The following ACER1 variants were observed in gnomAD, a reference collection of about 807,000 sequenced individuals.
ACER1 encodes CTB-180A7.3.
ACER1 carries 28 observed loss-of-function variants against 24.9 expected under a neutral mutation model. That is an observed-to-expected ratio of 1.13 (90% confidence interval 0.83 to 1.54). The LOEUF is 1.54. Among genes scored for constraint, ACER1 ranks in the 40% most tolerant of loss-of-function variants. The probability of loss-of-function intolerance (pLI) is 0.00; values close to 1 mark genes in which losing one functional copy is unlikely to be tolerated. For synonymous variants in ACER1, 132 were observed against 131.4 expected, an observed-to-expected ratio of 1.00 and a Z score of -0.03; for missense variants, 352 against 349.3, an observed-to-expected ratio of 1.01 and a Z score of -0.06.
At chr19:6,331,794 AAAACAAACAAAC>A (rs142722083) in intron 1 of ACER1, among the ~76,000 whole-genome samples, 2 of 151,452 alleles carry the variant, frequency 1.3e-5, no homozygotes, top group African/African-American at 4.9e-5. Context: ...ACTCCGTTTC[AAAACAAACAAAC>A]AAACAAACAA....
intron 4 of ACER1, among the ~76,000 whole-genome samples, chr19:6,307,889 C>G (rs2091559711): frequency 6.6e-6 from 1 of 151,642 alleles, no homozygotes; most frequent in Non-Finnish European, 1.5e-5. Context: ...AAGTTTGAGA[C>G]CAGCTTGGCC....
chr19:6,341,153 T>C, the ACER1 span, among the ~76,000 whole-genome samples: 1 of 150,018 alleles, frequency 6.7e-6, no homozygotes, highest in Non-Finnish European at 1.5e-5. Flanking sequence ...CAGGCTGGAG[T>C]GCACTGGCGC....
intron 3 of ACER1, 74 bp from the exon 4 acceptor site, chr19:6,309,908 C>CG: frequency 6.3e-7 from 1 of 1,579,550 alleles, no homozygotes; most frequent in South Asian, 1.1e-5. Context: ...TTGGAGATCC[C>CG]GTGGCCCAGG....
chr19:6,340,151 C>T, the ACER1 span, among the ~76,000 whole-genome samples: 1 of 151,262 alleles, frequency 6.6e-6, no homozygotes, highest in Admixed American at 6.6e-5. Context: ...CGTGGTGGTG[C>T]GTGCCTGTAA....
At chr19:6,330,875 G>A (rs114810747) in intron 1 of ACER1, among the ~76,000 whole-genome samples, 2,818 of 149,578 alleles carry the variant, frequency 0.019, 359 homozygotes, top group African/African-American at 0.067. Flanking sequence ...CCAGGTATGG[G>A]AAGCCCCGGG....
At position 6,320,001 on chromosome 19, in the gene ACER1, T is replaced by A. The variant is rs146100904; in HGVS notation, c.94-7502A>T. Among the ~76,000 whole-genome samples the A allele has an allele frequency of 1.1e-4, 16 of 150,074 alleles. No individual in the cohort carries two copies. The East Asian group carries it at 3.2e-3, about 30-fold the overall frequency. ...GGTGGATGCCTGTAGTGCCAGCTAC[T>A]CAGGAGGCTGAAACAGGAGAATCGC... On this transcript the variant is annotated intron_variant, in intron 1 of 5. Transcript: ENST00000301452.
At chr19:6,322,806 A>C (rs1252382897) in intron 1 of ACER1, among the ~76,000 whole-genome samples, 2 of 152,066 alleles carry the variant, frequency 1.3e-5, no homozygotes, top group Non-Finnish European at 2.9e-5. Flanking sequence ...ATGAGATCTC[A>C]TGGTTTTAAA....
the ACER1 span, among the ~76,000 whole-genome samples, chr19:6,356,031 G>T: frequency 6.6e-6 from 1 of 151,516 alleles, no homozygotes; most frequent in Non-Finnish European, 1.5e-5. Context: ...GAATAGAAAG[G>T]GGGGAAAGGC....
Position 6,333,608 on chromosome 19 carries a change from G to A in ACER1, c.-57C>T. The A allele has an allele frequency of 6.8e-7, 1 of 1,472,068 alleles. No individual in the cohort carries two copies. Among genetic ancestry groups the A allele is most frequent in the Non-Finnish European group, 9.2e-7 (1 of 1,084,528 alleles). 91.2% of individuals were successfully genotyped at this position (1,472,068 alleles called of 1,614,324 possible). ...GCCCGGCAGAGAGAAGGCGAGCTTG[G>A]GAAGGCTGGGCCCTGATGAGGCGGG... On this transcript the variant is annotated 5_prime_UTR_variant, in exon 1 of 6. Transcript: ENST00000301452.
At position 6,316,340 on chromosome 19, in the gene ACER1, G is replaced by A. The variant is rs1395030503; in HGVS notation, c.94-3841C>T. On this transcript the variant is annotated intron_variant, in intron 1 of 5. Transcript: ENST00000301452. ...TGTAGTCTTAACTACTTGAGAGGCT[G>A]AGGAGGAAAGATTGCTTGAGCACAG... is the stretch of plus-strand genomic sequence containing the variant. 3.3e-5 allele frequency among the ~76,000 whole-genome samples: 5 copies of A among 152,144 alleles called. No homozygotes were observed. The East Asian group carries it at 7.7e-4, about 23-fold the overall frequency.
At chr19:6,357,793 A>C in the ACER1 span, among the ~76,000 whole-genome samples, 1 of 151,412 alleles carries the variant, frequency 6.6e-6, no homozygotes, top group African/African-American at 2.4e-5. Context: ...TTTTTTGGGG[A>C]TCTCTTAGAG....
At chr19:6,309,907 C>A in intron 3 of ACER1, 73 bp from the exon 4 acceptor site, 1 of 1,582,570 alleles carries the variant, frequency 6.3e-7, no homozygotes. Flanking sequence ...CTTGGAGATC[C>A]CGTGGCCCAG....
At chr19:6,350,311 T>A in the ACER1 span, among the ~76,000 whole-genome samples, 1 of 151,862 alleles carries the variant, frequency 6.6e-6, no homozygotes, top group Admixed American at 6.6e-5. Context: ...ACTAAAAATA[T>A]AAAAAATTAG....
chr19:6,359,961 C>T, the ACER1 span, among the ~76,000 whole-genome samples: 8 of 152,158 alleles, frequency 5.3e-5, no homozygotes, highest in African/African-American at 1.9e-4. Flanking sequence ...GGGGATGAAG[C>T]AGTGGGCACC....
intron 1 of ACER1, among the ~76,000 whole-genome samples, chr19:6,320,695 C>CT (rs1407837121): frequency 2.6e-5 from 4 of 152,070 alleles, no homozygotes; most frequent in African/African-American, 9.7e-5. Flanking sequence ...TAGGACCAGG[C>CT]TCTTTAAGAA....
chr19:6,315,130 G>A (rs1052670187), intron 1 of ACER1, among the ~76,000 whole-genome samples: 4 of 151,856 alleles, frequency 2.6e-5, no homozygotes, highest in South Asian at 2.1e-4. Context: ...TGATCCGCCC[G>A]CCTCGGCCTC....
chr19:6,327,433 C>T (rs906917099), intron 1 of ACER1, among the ~76,000 whole-genome samples: 2 of 151,708 alleles, frequency 1.3e-5, no homozygotes, highest in East Asian at 1.9e-4. Flanking sequence ...GGGGTGGTGA[C>T]GGGCGTCTGT....
chr19:6,311,836 C>T (rs551980249), intron 3 of ACER1, among the ~76,000 whole-genome samples: 32 of 151,832 alleles, frequency 2.1e-4, no homozygotes, highest in Admixed American at 7.9e-4. Flanking sequence ...GGAGGAGTCC[C>T]TCAGGCCCAG....
At chr19:6,346,672 C>T in the ACER1 span, among the ~76,000 whole-genome samples, 20 of 151,852 alleles carry the variant, frequency 1.3e-4, no homozygotes, top group South Asian at 1.5e-3. Context: ...GGCCTCTCTC[C>T]TTGGCTTCTA....
Sources: gnomAD v4.1 joint callset for allele counts (sites outside exome capture counted in the v4.1 genomes callset) on GRCh38, gnomAD v4.1.1 for gene constraint, MANE v1.5 for transcripts, NCBI Gene and HGNC (gene_info 2026-07-23, HGNC 2026-07-21) for gene names.